Variants in NXPE2 observed in about 807,000 individuals in gnomAD.
NXPE2 encodes the protein NXPE family member 2.
Under a neutral mutation model 34.4 loss-of-function variants are expected in NXPE2, and 34 were observed. The observed-to-expected ratio is 0.99, with a 90% confidence interval of 0.75 to 1.31. The LOEUF (loss-of-function observed/expected upper bound fraction) is 1.31, where lower values mean the gene tolerates loss of function less well. NXPE2 is among the 40% of genes most tolerant of loss of function. The pLI is 0.00. For synonymous variants in NXPE2, 235 were observed against 231.3 expected (o/e 1.02, Z -0.15); for missense variants, 649 against 672.5 (o/e 0.97, Z 0.39).
the NXPE2 span, among the ~76,000 whole-genome samples, chr11:114,777,426 T>C: frequency 1.3e-5 from 2 of 152,164 alleles, no homozygotes; most frequent in African/African-American, 4.8e-5. Flanking sequence ...GAGCAAAGAA[T>C]GAGGAGATAA....
At chr11:114,609,995 C>G in the NXPE2 span, among the ~76,000 whole-genome samples, 1 of 151,528 alleles carries the variant, frequency 6.6e-6, no homozygotes, top group Non-Finnish European at 1.5e-5. Context: ...CAGGTAACCA[C>G]TGTTACCTGG....
the NXPE2 span, among the ~76,000 whole-genome samples, chr11:114,671,030 A>G: frequency 1.1e-3 from 157 of 148,680 alleles, no homozygotes; most frequent in African/African-American, 3.8e-3. Flanking sequence ...ATTGTCAATA[A>G]GGACAAATAT....
chr11:114,683,889 A>G (rs1222228447), intron 2 of NXPE2, among the ~76,000 whole-genome samples: 1 of 151,304 alleles, frequency 6.6e-6, no homozygotes, highest in Non-Finnish European at 1.5e-5. Flanking sequence ...ATTGACAGTA[A>G]TAGTGATTGA....
At chr11:114,598,954 C>G in the NXPE2 span, among the ~76,000 whole-genome samples, 2 of 152,184 alleles carry the variant, frequency 1.3e-5, no homozygotes, top group African/African-American at 4.8e-5. Flanking sequence ...TGCAGCCTTC[C>G]TGAATTCCTC....
the NXPE2 span, among the ~76,000 whole-genome samples, chr11:114,636,304 G>C: frequency 6.6e-6 from 1 of 151,996 alleles, no homozygotes; most frequent in Non-Finnish European, 1.5e-5. Flanking sequence ...GAGATCGGTG[G>C]TGATATCCCC....
the NXPE2 span, among the ~76,000 whole-genome samples, chr11:114,717,202 A>G: frequency 6.6e-6 from 1 of 152,148 alleles, no homozygotes; most frequent in African/African-American, 2.4e-5. Flanking sequence ...GCTAAGAGTA[A>G]TTTCTGACCT....
the NXPE2 span, among the ~76,000 whole-genome samples, chr11:114,632,639 A>C: frequency 2.0e-5 from 2 of 98,248 alleles, no homozygotes; most frequent in South Asian, 5.5e-4. Context: ...TAATAAATGT[A>C]AATAATAAAT....
chr11:114,770,176 C>G, the NXPE2 span, among the ~76,000 whole-genome samples: 5 of 152,290 alleles, frequency 3.3e-5, no homozygotes, highest in East Asian at 9.7e-4. Context: ...AGTCATGTTA[C>G]CCCTAAACTC....
chr11:114,564,850 GA>G, the NXPE2 span, among the ~76,000 whole-genome samples: 4 of 152,162 alleles, frequency 2.6e-5, no homozygotes, highest in Admixed American at 6.5e-5. Context: ...TGGGATATAG[GA>G]GTTTGAGCTA....
chr11:114,507,367 G>A, the NXPE2 span, among the ~76,000 whole-genome samples: 1 of 151,918 alleles, frequency 6.6e-6, no homozygotes, highest in African/African-American at 2.4e-5. Context: ...TGAGGAGGAG[G>A]GACTCCTCCC....
the NXPE2 span, chr11:114,583,024 GA>G: frequency 1.2e-6 from 2 of 1,601,600 alleles, no homozygotes; most frequent in Non-Finnish European, 8.5e-7. Flanking sequence ...GACCAAACCT[GA>G]AATGACAGCA....
At chr11:114,475,160 C>CCAACATTTT in the NXPE2 span, among the ~76,000 whole-genome samples, 38,009 of 147,926 alleles carry the variant, frequency 0.26, 4,972 homozygotes, top group East Asian at 0.38. Context: ...GGGTCAGTTT[C>CCAACATTTT]CAACATTTTA....
chr11:114,501,173 T>G, the NXPE2 span, among the ~76,000 whole-genome samples: 3 of 152,156 alleles, frequency 2.0e-5, no homozygotes, highest in Non-Finnish European at 4.4e-5. Context: ...GCAGTATACT[T>G]GGGGAGTTTT....
chr11:114,580,310 G>T, the NXPE2 span: 2 of 1,613,950 alleles, frequency 1.2e-6, no homozygotes, highest in Admixed American at 1.7e-5. Flanking sequence ...TTCCAAACTT[G>T]CATTTCTCTT....
At chr11:114,568,067 A>G in the NXPE2 span, among the ~76,000 whole-genome samples, 93 of 152,332 alleles carry the variant, frequency 6.1e-4, 3 homozygotes, top group East Asian at 0.017. Context: ...CAGAAGAACC[A>G]TTAAGCCTTC....
chr11:114,653,760 C>G, the NXPE2 span, among the ~76,000 whole-genome samples: 3 of 152,002 alleles, frequency 2.0e-5, no homozygotes, highest in African/African-American at 7.2e-5. Flanking sequence ...GATCTCCTGA[C>G]CTCGTGATCT....
At chr11:114,661,181 T>C in the NXPE2 span, among the ~76,000 whole-genome samples, 2 of 152,186 alleles carry the variant, frequency 1.3e-5, no homozygotes, top group African/African-American at 4.8e-5. Flanking sequence ...TCTCCCAAAA[T>C]TGATCTATAG....
the NXPE2 span, among the ~76,000 whole-genome samples, chr11:114,634,813 A>G: frequency 1.3e-5 from 2 of 151,916 alleles, no homozygotes; most frequent in Admixed American, 6.6e-5. Flanking sequence ...GTTCTGTTCC[A>G]TTGATGTATA....
chr11:114,681,408 A>G (rs1373850840), intron 2 of NXPE2, among the ~76,000 whole-genome samples: 1 of 152,214 alleles, frequency 6.6e-6, no homozygotes, highest in African/African-American at 2.4e-5. Flanking sequence ...CTCATGTAGC[A>G]TGTGTATGGC....
Sources: gnomAD v4.1 joint callset for allele counts (sites outside exome capture counted in the v4.1 genomes callset) on GRCh38, gnomAD v4.1.1 for gene constraint, MANE v1.5 for transcripts, NCBI Gene and HGNC (gene_info 2026-07-23, HGNC 2026-07-21) for gene names.